SLC25A21: variants seen among roughly 807,000 people sequenced by gnomAD.
SLC25A21 encodes the protein mitochondrial 2-oxodicarboxylate carrier.
A neutral mutation model predicts 43.8 loss-of-function variants in SLC25A21; 47 were observed. That is an observed-to-expected ratio of 1.07 (90% CI 0.85 to 1.37). The LOEUF is 1.37. Among genes scored for constraint, SLC25A21 ranks in the 40% most tolerant of loss-of-function variants. The pLI is 0.00. For synonymous variants in SLC25A21, 131 were observed against 121.3 expected, an observed-to-expected ratio of 1.08 and a Z score of -0.52; for missense variants, 352 against 350.2, an observed-to-expected ratio of 1.00 and a Z score of -0.04.
intron 2 of SLC25A21, among the ~76,000 whole-genome samples, chr14:36,836,985 A>C (rs930419655): frequency 6.6e-6 from 1 of 152,144 alleles, no homozygotes; most frequent in African/African-American, 2.4e-5. Context: ...CCCTCTTTAA[A>C]GGCAAGACTA....
At chr14:36,773,848 T>C (rs1644520293) in intron 3 of SLC25A21, among the ~76,000 whole-genome samples, 1 of 152,210 alleles carries the variant, frequency 6.6e-6, no homozygotes, top group Non-Finnish European at 1.5e-5. Context: ...CCATTATAGA[T>C]ACATACATCC....
In SLC25A21 at chr14:37,103,347, T is replaced by C. The variant is rs181963417; in HGVS notation, c.70+68934A>G. ...AATTGGGCCTGATCTCTTAACTTAC[T>C]GAGGAATTCTAAATACCACTGGAGC... On this transcript the variant is annotated intron_variant, in intron 1 of 9. Transcript: ENST00000331299. Among the ~76,000 whole-genome samples the C allele has an allele frequency of 9.7e-4, 147 of 152,288 alleles. 1 individual carries two copies. In the Middle Eastern group the frequency reaches 0.027, roughly 28 times the overall value.
intron 1 of SLC25A21, among the ~76,000 whole-genome samples, chr14:36,892,966 G>T (rs966955098): frequency 2.0e-5 from 3 of 152,112 alleles, no homozygotes; most frequent in Non-Finnish European, 2.9e-5. Flanking sequence ...CATTTGGGTT[G>T]GTTCCAAGTC....
Position 36,762,470 on chromosome 14 carries a change from C to T in SLC25A21, c.204-27897G>A, listed in dbSNP as rs146109737. Among the ~76,000 whole-genome samples, 40 of 152,146 alleles carry T rather than the reference C, an allele frequency of 2.6e-4. No individual in the cohort carries two copies. The East Asian group carries it at 6.6e-3, about 25-fold the overall frequency. On this transcript the variant is annotated intron_variant, in intron 3 of 9. Coordinates refer to ENST00000331299, the MANE Select transcript of SLC25A21 (RefSeq NM_030631.4). ...GGGAACGGCAGCCATGAGATCTGCCCGAAGTCACACAGATAGCAAGAATTT... is the reference window on the plus strand; with the variant it reads ...GGGAACGGCAGCCATGAGATCTGCCTGAAGTCACACAGATAGCAAGAATTT...
intron 1 of SLC25A21, among the ~76,000 whole-genome samples, chr14:37,095,316 G>A (rs1471689661): frequency 1.3e-5 from 2 of 152,082 alleles, no homozygotes; most frequent in South Asian, 2.1e-4. Context: ...TCAGGAGCTC[G>A]AGACCAGCCT....
At chr14:36,685,216 T>C (rs2139141122) in intron 7 of SLC25A21, among the ~76,000 whole-genome samples, 1 of 152,336 alleles carries the variant, frequency 6.6e-6, no homozygotes, top group South Asian at 2.1e-4. Context: ...ATTTGTATAA[T>C]TGGGCTTCAC....
chr14:37,019,019 T>C (rs1960925705), intron 1 of SLC25A21, among the ~76,000 whole-genome samples: 1 of 152,000 alleles, frequency 6.6e-6, no homozygotes, highest in African/African-American at 2.4e-5. Context: ...ATTGCATCCT[T>C]GTGGTTTCCC....
chr14:37,087,148 CT>C (rs1566871466), intron 1 of SLC25A21, among the ~76,000 whole-genome samples: 1 of 152,130 alleles, frequency 6.6e-6, no homozygotes, highest in Non-Finnish European at 1.5e-5. Flanking sequence ...CTTTTGATGA[CT>C]GCTAGTTTCC....
chr14:36,784,747 G>A (rs1396649631), intron 3 of SLC25A21, among the ~76,000 whole-genome samples: 1 of 152,190 alleles, frequency 6.6e-6, no homozygotes, highest in African/African-American at 2.4e-5. Flanking sequence ...GAGAAGGAGA[G>A]GTAGGAATGG....
In SLC25A21 at chr14:37,004,527, C is replaced by A. The variant is rs137881968; in HGVS notation, c.71-129523G>T. Among the ~76,000 whole-genome samples, 17 of 152,296 alleles carry A rather than the reference C, an allele frequency of 1.1e-4. No homozygotes were observed. The East Asian group carries it at 2.9e-3, about 26-fold the overall frequency. On this transcript the variant is annotated intron_variant, in intron 1 of 9. Transcript: ENST00000331299. ...TGGAGTAACTGAAAAATCCACTAGA[C>A]AGGAAGACAGATGGATTGAACATTT...
At chr14:37,127,538 G>A (rs1000891124) in intron 1 of SLC25A21, among the ~76,000 whole-genome samples, 11 of 152,026 alleles carry the variant, frequency 7.2e-5, no homozygotes, top group Non-Finnish European at 1.2e-4. Context: ...AGTCAATGGC[G>A]AAAGCTCGAA....
At chr14:37,114,117 C>T (rs1963066859) in intron 1 of SLC25A21, among the ~76,000 whole-genome samples, 1 of 152,110 alleles carries the variant, frequency 6.6e-6, no homozygotes, top group Admixed American at 6.6e-5. Context: ...TGCTTTTCCT[C>T]CTACGCACCA....
At chr14:36,764,194 G>GAAAGAAAGAAAGAA (rs1185480005) in intron 3 of SLC25A21, among the ~76,000 whole-genome samples, 2,538 of 91,684 alleles carry the variant, frequency 0.028, 156 homozygotes, top group Non-Finnish European at 0.038. Context: ...GAAAGAAAGA[G>GAAAGAAAGAAAGAA]AAAGAAAGAA....
At chr14:36,842,477 A>G (rs1381383081) in intron 2 of SLC25A21, among the ~76,000 whole-genome samples, 1 of 152,170 alleles carries the variant, frequency 6.6e-6, no homozygotes. Flanking sequence ...TGCACCATGA[A>G]GTGACTTTGC....
intron 1 of SLC25A21, among the ~76,000 whole-genome samples, chr14:37,122,860 T>C (rs186398162): frequency 2.0e-5 from 3 of 152,320 alleles, no homozygotes; most frequent in Admixed American, 2.0e-4. Context: ...ATCACTCATC[T>C]AGAAATCAAC....
intron 3 of SLC25A21, among the ~76,000 whole-genome samples, chr14:36,763,668 G>C (rs774766267): frequency 4.0e-4 from 61 of 151,992 alleles, no homozygotes; most frequent in Non-Finnish European, 8.1e-4. Context: ...GCTCATGTAG[G>C]AATCAGACAC....
intron 2 of SLC25A21, among the ~76,000 whole-genome samples, chr14:36,849,063 G>A (rs1889637309): frequency 6.6e-6 from 1 of 152,122 alleles, no homozygotes; most frequent in Non-Finnish European, 1.5e-5. Context: ...AAATCAAGGT[G>A]GTAAAGATTC....
At chr14:37,092,924 C>T (rs1205657596) in intron 1 of SLC25A21, among the ~76,000 whole-genome samples, 1 of 151,936 alleles carries the variant, frequency 6.6e-6, no homozygotes, top group Non-Finnish European at 1.5e-5. Flanking sequence ...ACACCACACA[C>T]ACACACACAC....
intron 7 of SLC25A21, among the ~76,000 whole-genome samples, chr14:36,699,171 C>G (rs566525204): frequency 6.7e-6 from 1 of 149,398 alleles, no homozygotes; most frequent in Non-Finnish European, 1.5e-5. Context: ...AGTTTTCCTT[C>G]TAACAGTCAG....
Sources: gnomAD v4.1 joint callset for allele counts (sites outside exome capture counted in the v4.1 genomes callset) on GRCh38, gnomAD v4.1.1 for gene constraint, MANE v1.5 for transcripts, NCBI Gene and HGNC (gene_info 2026-07-23, HGNC 2026-07-21) for gene names.